The following PCDHA2 variants were observed in gnomAD, a reference collection of about 807,000 sequenced individuals.
PCDHA2 encodes protocadherin alpha-2.
PCDHA2 carries 58 observed loss-of-function variants against 66.0 expected under a neutral mutation model. That is an observed-to-expected ratio of 0.88 (90% CI 0.71 to 1.09). The LOEUF is 1.09. PCDHA2 is among the 50% of genes least tolerant of loss of function. The probability of loss-of-function intolerance (pLI) is 0.00; values close to 1 mark genes in which losing one functional copy is unlikely to be tolerated. For synonymous variants in PCDHA2, 634 were observed against 554.0 expected, an observed-to-expected ratio of 1.14 and a Z score of -2.03; for missense variants, 1,267 against 1,242.3, an observed-to-expected ratio of 1.02 and a Z score of -0.30.
intron 3 of PCDHA2, among the ~76,000 whole-genome samples, chr5:140,987,234 A>G (rs2097240958): frequency 6.6e-6 from 1 of 151,980 alleles, no homozygotes; most frequent in Non-Finnish European, 1.5e-5. Context: ...AAAATAATAA[A>G]TAAAGAAAGA....
At chr5:140,909,709 A>G (rs2153511702) in intron 1 of PCDHA2, among the ~76,000 whole-genome samples, 1 of 152,294 alleles carries the variant, frequency 6.6e-6, no homozygotes, top group Non-Finnish European at 1.5e-5. Context: ...GCTGCTAAGT[A>G]TACCTATGCC....
At chr5:140,817,187 T>G (rs2126678209) in intron 1 of PCDHA2, 2 of 152,324 alleles carry the variant, frequency 1.3e-5, no homozygotes, top group South Asian at 2.1e-4. Flanking sequence ...CCCTGAAAAG[T>G]CAGAACACTG....
intron 1 of PCDHA2, chr5:140,827,843 C>A: frequency 2.2e-6 from 1 of 460,554 alleles, no homozygotes; most frequent in East Asian, 3.5e-5. Context: ...AAAGAAGATA[C>A]TGTTTTAAAA....
In PCDHA2 at chr5:140,845,401, T is replaced by C. The variant is rs1326186010; in HGVS notation, c.2388+48049T>C. On this transcript the variant is annotated intron_variant, in intron 1 of 3. Transcript: ENST00000526136. Reference sequence around the variant, plus strand: ...GGAGGATTCTTTCCACCACCTAGCATTGTATTTGGCAATTTATCATTTAAG... The same window carrying C: ...GGAGGATTCTTTCCACCACCTAGCACTGTATTTGGCAATTTATCATTTAAG... Among the ~76,000 whole-genome samples, 3 of 149,536 alleles carry C rather than the reference T, an allele frequency of 2.0e-5. 1 individual carries two copies. The highest frequency in any genetic ancestry group is 1.5e-5 in the Non-Finnish European group (1 of 66,828).
At chr5:140,900,512 G>T (rs1191935182) in intron 1 of PCDHA2, among the ~76,000 whole-genome samples, 4 of 152,300 alleles carry the variant, frequency 2.6e-5, no homozygotes, top group Middle Eastern at 3.4e-3. Context: ...CCCAGCCTCA[G>T]GTGATCTGCC....
At chr5:140,917,157 G>A (rs77234668) in intron 1 of PCDHA2, among the ~76,000 whole-genome samples, 2,784 of 152,240 alleles carry the variant, frequency 0.018, 84 homozygotes, top group African/African-American at 0.063. Context: ...TGGGGGATAT[G>A]GGAGGGGTGA....
intron 1 of PCDHA2, among the ~76,000 whole-genome samples, chr5:140,888,393 C>T (rs1554183447): frequency 1.3e-5 from 2 of 152,156 alleles, no homozygotes; most frequent in African/African-American, 4.8e-5. Context: ...CTGCTAAACA[C>T]CATCCAATTG....
chr5:140,876,154 A>G, intron 1 of PCDHA2: 1 of 1,613,972 alleles, frequency 6.2e-7, no homozygotes, highest in Non-Finnish European at 8.5e-7. Context: ...GTCTGTCCAG[A>G]TTCAAATAAC....
chr5:140,928,106 G>A, intron 1 of PCDHA2: 4 of 1,614,150 alleles, frequency 2.5e-6, no homozygotes, highest in Non-Finnish European at 3.4e-6. Context: ...CCCCTGGACC[G>A]GGAGCAGATC....
At chr5:140,822,929 C>A (rs1418522514) in intron 1 of PCDHA2, 1 of 1,614,266 alleles carries the variant, frequency 6.2e-7, no homozygotes, top group Non-Finnish European at 8.5e-7. Context: ...GGGCAGGTGA[C>A]CTGCTCCCTA....
At chr5:140,862,664 C>A in intron 1 of PCDHA2, 1 of 547,450 alleles carries the variant, frequency 1.8e-6, no homozygotes, top group Non-Finnish European at 3.7e-6. Flanking sequence ...GACCGGGACG[C>A]GCAGGAGAAC....
intron 1 of PCDHA2, among the ~76,000 whole-genome samples, chr5:140,840,474 T>C (rs2150307234): frequency 6.6e-6 from 1 of 151,908 alleles, no homozygotes; most frequent in African/African-American, 2.4e-5. Flanking sequence ...GGGAAAAAAG[T>C]TTAAAGGCAT....
At position 140,850,636 on chromosome 5, in the gene PCDHA2, C is replaced by T. The variant is rs2150491740; in HGVS notation, c.2388+53284C>T. The T allele has an allele frequency of 8.1e-6, 13 of 1,598,538 alleles. 2 individuals are homozygous for T. The highest frequency in any genetic ancestry group is 6.7e-5 in the Admixed American group (4 of 59,320). Reference sequence around the variant, plus strand: ...GCGGTGTCTAGCCTGTTGGTTCTCACGCTGCTGCTGTACACTGTGCTGCGG... The same window carrying T: ...GCGGTGTCTAGCCTGTTGGTTCTCATGCTGCTGCTGTACACTGTGCTGCGG... On this transcript the variant is annotated intron_variant, in intron 1 of 3. Transcript: ENST00000526136.
intron 1 of PCDHA2, chr5:140,805,607 C>T (rs1367346040): frequency 2.7e-5 from 25 of 920,858 alleles, no homozygotes; most frequent in Non-Finnish European, 3.0e-5. Context: ...TATTAAATTT[C>T]TTTATGTAAG....
chr5:140,863,164 G>A, intron 1 of PCDHA2: 2 of 661,250 alleles, frequency 3.0e-6, no homozygotes, highest in Non-Finnish European at 5.5e-6. Flanking sequence ...CTGCGAGCTG[G>A]CGCTGACTGC....
chr5:140,845,110 T>C (rs1779704552), intron 1 of PCDHA2, among the ~76,000 whole-genome samples: 1 of 149,836 alleles, frequency 6.7e-6, no homozygotes, highest in East Asian at 1.9e-4. Flanking sequence ...TTAATGCCTG[T>C]CCATGTTTAG....
At position 140,850,667 on chromosome 5, in the gene PCDHA2, G is replaced by C. The variant is rs2150492921; in HGVS notation, c.2388+53315G>C. Reference sequence around the variant, plus strand: ...TGCTGTACACTGTGCTGCGGTGCTCGGCGATGCCCACCGAGGGCGAGTGCG... The same window carrying C: ...TGCTGTACACTGTGCTGCGGTGCTCCGCGATGCCCACCGAGGGCGAGTGCG... On this transcript the variant is annotated intron_variant, in intron 1 of 3. Transcript: ENST00000526136. 10 of 1,598,386 alleles carry C rather than the reference G, an allele frequency of 6.3e-6. No homozygotes were observed. The East Asian group carries it at 1.3e-4, about 21-fold the overall frequency.
chr5:140,796,682 CTGCTGGCGCAGT>C lies in PCDHA2; in HGVS notation c.1719_1730del (p.Ala574_Val577del). 6.2e-7 allele frequency: 1 copy of C among 1,613,908 alleles called. No individual in the cohort carries two copies. Among genetic ancestry groups the C allele is most frequent in the Non-Finnish European group, 8.5e-7 (1 of 1,179,888 alleles). ...CTGTTGGCGCCTAGGGCTGGCACCG[CTGCTGGCGCAGT>C]GAGTGAGCTGGTGCCGTGGTCGGTG... On this transcript the variant is annotated inframe_deletion, in exon 1 of 4. Transcript: ENST00000526136.
rs2098417418 is a variant in PCDHA2, at chr5:141,010,475, T to A, written c.*538T>A. On this transcript the variant is annotated 3_prime_UTR_variant, in exon 4 of 4. Coordinates refer to ENST00000526136, the MANE Select transcript of PCDHA2 (RefSeq NM_018905.3). ...GGAAGTTATCAGTATGGAGGGGAAG[T>A]GTAAACTTAAAGGGACCAGACTTTC... 16 of 757,310 alleles carry A rather than the reference T, an allele frequency of 2.1e-5. No homozygotes were observed. The highest frequency in any genetic ancestry group is 3.0e-5 in the Non-Finnish European group (15 of 502,774). 46.9% of individuals were successfully genotyped at this position (757,310 alleles called of 1,614,324 possible). A position where few individuals can be genotyped will look rare whatever the true frequency, so the allele number is the denominator to read the frequency against.
Sources: allele counts gnomAD v4.1 joint callset (sites outside exome capture counted in the v4.1 genomes callset), GRCh38; gene constraint gnomAD v4.1.1; transcripts MANE v1.5; gene names NCBI Gene and HGNC (gene_info 2026-07-23, HGNC 2026-07-21).